Variants in CADPS observed in about 807,000 individuals in gnomAD.
CADPS encodes calcium dependent secretion activator.
A neutral mutation model predicts 167.3 loss-of-function variants in CADPS; 57 were observed. The observed-to-expected ratio is 0.34, with a 90% confidence interval of 0.28 to 0.42. CADPS has a LOEUF of 0.42. CADPS is among the 20% of genes least tolerant of loss of function. CADPS has a pLI of 1.00. For synonymous variants in CADPS, 676 were observed against 635.3 expected (o/e 1.06, Z -0.96); for missense variants, 1,414 against 1,738.1 (o/e 0.81, Z 3.32).
chr3:62,758,392 A>G (rs1351973963), intron 2 of CADPS, among the ~76,000 whole-genome samples: 1 of 152,224 alleles, frequency 6.6e-6, no homozygotes, highest in Non-Finnish European at 1.5e-5. Flanking sequence ...TGAATTGCCC[A>G]ATGGAGACAA....
At chr3:62,659,300 T>C (rs2072562527) in intron 4 of CADPS, among the ~76,000 whole-genome samples, 1 of 152,186 alleles carries the variant, frequency 6.6e-6, no homozygotes, top group Non-Finnish European at 1.5e-5. Flanking sequence ...TATCTCTTCA[T>C]GAACTAGCCA....
At chr3:62,486,951 A>G (rs978287841) in intron 21 of CADPS, among the ~76,000 whole-genome samples, 2 of 152,236 alleles carry the variant, frequency 1.3e-5, no homozygotes, top group Admixed American at 1.3e-4. Context: ...TCATCAGGTC[A>G]TTGACATGGA....
At chr3:62,745,091 CTTTTT>C (rs34560464) in intron 3 of CADPS, among the ~76,000 whole-genome samples, 3 of 151,338 alleles carry the variant, frequency 2.0e-5, no homozygotes, top group Admixed American at 2.0e-4. Flanking sequence ...TTTTTGCTTT[CTTTTT>C]TTTTGAGACA....
At chr3:62,527,301 T>TG (rs1307725487) in intron 13 of CADPS, among the ~76,000 whole-genome samples, 10 of 152,320 alleles carry the variant, frequency 6.6e-5, no homozygotes, top group African/African-American at 2.4e-4. Context: ...TTAACATTTT[T>TG]GGCTTTGCTT....
intron 1 of CADPS, among the ~76,000 whole-genome samples, chr3:62,823,654 T>C (rs2073441129): frequency 1.3e-5 from 2 of 152,198 alleles, no homozygotes; most frequent in Admixed American, 1.3e-4. Flanking sequence ...CACCTCCTTT[T>C]TCTACCTCCC....
chr3:62,399,457 C>A lies in CADPS; in HGVS notation c.4011G>T (p.Leu1337=). The change falls in exon 30 of 30, where the codon CTG becomes CTT. Residue 1337 remains leucine (L), a synonymous_variant. Transcript: ENST00000383710. This position sits in a 1 kb window ranked among gnomAD's most constrained non-coding sequence, Gnocchi z 5.6. ...ATASVSEGGG[L]QGISMKDSDE... is the part of the protein sequence containing the mutation. ...CGCTGTCCTTCATGCTGATGCCCTG[C>A]AGTCCCCCACCTTCACTCACTGATG... 1 of 1,614,182 alleles carries A rather than the reference C, an allele frequency of 6.2e-7. No homozygotes were observed. The highest frequency in any genetic ancestry group is 1.1e-5 in the South Asian group (1 of 91,084).
At position 62,550,972 on chromosome 3, in the gene CADPS, C is replaced by G. The variant is rs2077230776; in HGVS notation, c.1754-857G>C. The G allele has an allele frequency of 8.8e-6, 4 of 455,120 alleles. No individual in the cohort carries two copies. In the Admixed American group the frequency reaches 9.4e-5, roughly 11 times the overall value. 28.2% of individuals were successfully genotyped at this position (455,120 alleles called of 1,614,324 possible). ...TAGTCTTGTCTGGTGGCTCCTCCTC[C>G]TCCTCTTCCTGATTTTTAAATGCTG... On this transcript the variant is annotated intron_variant, in intron 10 of 29. Coordinates refer to ENST00000383710, the MANE Select transcript of CADPS (RefSeq NM_003716.4).
At chr3:62,530,597 C>A in intron 13 of CADPS, 1 of 1,085,072 alleles carries the variant, frequency 9.2e-7, no homozygotes, top group Non-Finnish European at 1.2e-6. Flanking sequence ...TGGATGGAGG[C>A]TTGGGGAAAG....
intron 3 of CADPS, among the ~76,000 whole-genome samples, chr3:62,700,592 T>C (rs1478634429): frequency 6.6e-6 from 1 of 152,074 alleles, no homozygotes; most frequent in African/African-American, 2.4e-5. Flanking sequence ...ATTGGTGACA[T>C]TAAAGTGAGA....
chr3:62,434,578 T>C (rs2054609774), intron 28 of CADPS, among the ~76,000 whole-genome samples: 1 of 152,184 alleles, frequency 6.6e-6, no homozygotes, highest in Non-Finnish European at 1.5e-5. Context: ...GAAAGCCTGT[T>C]CTTAAGTTAC....
intron 10 of CADPS, among the ~76,000 whole-genome samples, chr3:62,555,034 T>C (rs1291639311): frequency 1.3e-5 from 2 of 152,184 alleles, no homozygotes; most frequent in African/African-American, 4.8e-5. Flanking sequence ...ATTACAGGCG[T>C]GAGGCACCGC....
chr3:62,572,027 G>A (rs1333103610), intron 8 of CADPS, among the ~76,000 whole-genome samples: 1 of 152,120 alleles, frequency 6.6e-6, no homozygotes, highest in African/African-American at 2.4e-5. Context: ...CAAATACCGA[G>A]TTCTAAAACT....
intron 6 of CADPS, among the ~76,000 whole-genome samples, chr3:62,632,119 A>T (rs762525083): frequency 2.0e-5 from 3 of 152,206 alleles, no homozygotes; most frequent in Non-Finnish European, 4.4e-5. Context: ...CAAAAGGAAC[A>T]ATCATATATG....
chr3:62,812,043 G>A (rs1172339860), intron 1 of CADPS, among the ~76,000 whole-genome samples: 1 of 151,938 alleles, frequency 6.6e-6, no homozygotes, highest in Admixed American at 6.6e-5. Context: ...ACATTAAAAA[G>A]ATTTTCATTA....
chr3:62,781,035 G>C (rs2091473602), intron 1 of CADPS, among the ~76,000 whole-genome samples: 1 of 152,120 alleles, frequency 6.6e-6, no homozygotes, highest in Non-Finnish European at 1.5e-5. Context: ...ATACTATTAG[G>C]GTACAATTTG....
At chr3:62,762,262 C>A (rs1559508413) in intron 2 of CADPS, among the ~76,000 whole-genome samples, 2 of 152,078 alleles carry the variant, frequency 1.3e-5, no homozygotes. Context: ...TAAGAAATAA[C>A]AATAAAAAGT....
At chr3:62,450,116 G>A (rs1342883351) in intron 26 of CADPS, among the ~76,000 whole-genome samples, 3 of 152,034 alleles carry the variant, frequency 2.0e-5, no homozygotes, top group Non-Finnish European at 2.9e-5. Context: ...CTGGCCCACG[G>A]GCAATTTCTT....
At chr3:62,694,941 C>T (rs917896594) in intron 3 of CADPS, among the ~76,000 whole-genome samples, 5 of 151,964 alleles carry the variant, frequency 3.3e-5, no homozygotes, top group African/African-American at 9.7e-5. Flanking sequence ...ATTCACGGGC[C>T]CAGCAATCAA....
intron 3 of CADPS, among the ~76,000 whole-genome samples, chr3:62,666,747 T>C (rs553228875): frequency 1.3e-5 from 2 of 152,244 alleles, no homozygotes; most frequent in East Asian, 3.9e-4. Context: ...AGCCATCAGT[T>C]CAAGTCCACC....
Sources: allele counts gnomAD v4.1 joint callset (sites outside exome capture counted in the v4.1 genomes callset), GRCh38; gene constraint gnomAD v4.1.1; non-coding constraint Gnocchi (gnomAD v3.1); transcripts MANE v1.5; gene names NCBI Gene and HGNC (gene_info 2026-07-23, HGNC 2026-07-21).